WDFY1: variants seen among roughly 807,000 people sequenced by gnomAD.
The protein encoded by WDFY1 is WD repeat and FYVE domain containing 1.
In WDFY1, 32 loss-of-function variants were observed where a neutral mutation model predicts 56.4. The ratio of observed to expected loss-of-function variants is 0.57; its 90% CI spans 0.43 to 0.76. The LOEUF is 0.76. WDFY1 is among the 30% of genes least tolerant of loss of function. The pLI is 0.00. For missense variants in WDFY1, 480 were observed against 545.7 expected, an observed-to-expected ratio of 0.88 and a Z score of 1.20; for synonymous variants, 192 against 197.3, an observed-to-expected ratio of 0.97 and a Z score of 0.23.
intron 1 of WDFY1, among the ~76,000 whole-genome samples, chr2:223,936,288 C>T (rs764199266): frequency 1.3e-5 from 2 of 152,026 alleles, no homozygotes; most frequent in Non-Finnish European, 2.9e-5. Flanking sequence ...TCTCTAACTC[C>T]TGGCCTCAAG....
chr2:223,901,006 G>A, intron 5 of WDFY1, 177 bp downstream of exon 5: 1 of 732,672 alleles, frequency 1.4e-6, no homozygotes, highest in Non-Finnish European at 2.1e-6. Context: ...TGGTGCAAAA[G>A]TAATTGCAAT....
chr2:223,877,392 TTCTCC>T lies in WDFY1; in HGVS notation c.*1274_*1278del, dbSNP rs1450919555. On this transcript the variant is annotated 3_prime_UTR_variant, in exon 12 of 12. Transcript: ENST00000233055. The stretch of plus-strand genomic sequence containing the variant: ...ATTTGTCCTTTAAAAAGGTAGGCCC[TTCTCC>T]ACTTACTTCCATATCCCTAGAGAAA... The T allele has an allele frequency of 5.3e-5, 8 of 152,144 alleles. No homozygotes were observed. The highest frequency in any genetic ancestry group is 3.9e-4 in the Admixed American group (6 of 15,274). The allele number at this position is 152,144 out of a possible 1,614,324, so 9.4% of individuals were successfully genotyped here. A position where few individuals can be genotyped will look rare whatever the true frequency, so the allele number is the denominator to read the frequency against.
intron 1 of WDFY1, among the ~76,000 whole-genome samples, chr2:223,923,449 T>A (rs923350047): frequency 6.6e-6 from 1 of 152,226 alleles, no homozygotes; most frequent in Non-Finnish European, 1.5e-5. Context: ...AATAATAGTT[T>A]AGTAATATTT....
At chr2:223,894,108 C>T (rs1693321657) in intron 8 of WDFY1, 126 bp downstream of exon 8, 1 of 822,956 alleles carries the variant, frequency 1.2e-6, no homozygotes, top group African/African-American at 1.7e-5. Context: ...AACCCATTAG[C>T]AGAAGGGGAA....
Position 223,901,278 on chromosome 2 carries a change from G to C in WDFY1, c.390C>G (p.Ile130Met), listed in dbSNP as rs113048698. Residue 130 changes from isoleucine (I) to methionine (M), a missense_variant, in exon 5 of 12, where the codon ATC becomes ATG. Transcript: ENST00000233055. ...IIFSLATEWVISTGHDKCVSW... is the reference protein window; with the variant it reads ...IIFSLATEWVMSTGHDKCVSW... ...TCACACACTTGTCGTGGCCGGTACT[G>C]ATCACCCACTCTGTGGCCAAGCTGA... is the stretch of plus-strand genomic sequence containing the variant. 2 of 1,614,082 alleles carry C rather than the reference G, an allele frequency of 1.2e-6. No individual in the cohort carries two copies. The highest frequency in any genetic ancestry group is 2.2e-5 in the South Asian group (2 of 91,076).
At chr2:223,921,824 A>G (rs1054003225) in intron 1 of WDFY1, among the ~76,000 whole-genome samples, 2 of 152,170 alleles carry the variant, frequency 1.3e-5, no homozygotes, top group Non-Finnish European at 2.9e-5. Flanking sequence ...GATAATTCCC[A>G]TATATCACGT....
In WDFY1 at chr2:223,879,386, T is replaced by C. The variant is rs77820978; in HGVS notation, c.1174-656A>G. The stretch of plus-strand genomic sequence containing the variant: ...AGAGTGGTACTTAGGCCATGCATGG[T>C]GGATCATGCCTATAATCCCAGTACT... On this transcript the variant is annotated intron_variant, in intron 11 of 11. Transcript: ENST00000233055. Among the ~76,000 whole-genome samples the C allele has an allele frequency of 2.1e-3, 320 of 152,194 alleles. 1 individual carries two copies. The highest frequency in any genetic ancestry group is 4.1e-3 in the Admixed American group (63 of 15,278).
At chr2:223,944,555 G>A (rs1462846494) in intron 1 of WDFY1, among the ~76,000 whole-genome samples, 1 of 151,930 alleles carries the variant, frequency 6.6e-6, no homozygotes, top group Admixed American at 6.5e-5. Context: ...GGGCTGGAGA[G>A]GTGCGTTGGG....
rs1358020247 is a variant in WDFY1, at chr2:223,877,467, T to C, written c.*1204A>G. ...CAAAAAAAATCAAACACACAAATAC[T>C]GGAATATTAAAAGACAGGCTCCTCA... On this transcript the variant is annotated 3_prime_UTR_variant, in exon 12 of 12. Transcript: ENST00000233055. 1 of 152,160 alleles carries C rather than the reference T, an allele frequency of 6.6e-6. No individual in the cohort carries two copies. The highest frequency in any genetic ancestry group is 6.6e-5 in the Admixed American group (1 of 15,266). The allele number at this position is 152,160 out of a possible 1,614,324, so 9.4% of individuals were successfully genotyped here. A position where few individuals can be genotyped will look rare whatever the true frequency, so the allele number is the denominator to read the frequency against.
At chr2:223,937,431 T>A (rs545629171) in intron 1 of WDFY1, among the ~76,000 whole-genome samples, 1 of 152,298 alleles carries the variant, frequency 6.6e-6, no homozygotes, top group East Asian at 1.9e-4. Flanking sequence ...GGAAAATAAA[T>A]GGGAATGAAA....
chr2:223,903,534 C>A (rs145047523), intron 4 of WDFY1, among the ~76,000 whole-genome samples: 67,314 of 147,074 alleles, frequency 0.46, 16,038 homozygotes, highest in Non-Finnish European at 0.53. Flanking sequence ...AAAAACAAAA[C>A]AAAACAAAAA....
intron 8 of WDFY1, among the ~76,000 whole-genome samples, chr2:223,888,783 T>C (rs896277169): frequency 1.3e-5 from 2 of 151,540 alleles, no homozygotes; most frequent in African/African-American, 2.4e-5. Context: ...AGATGGGGTT[T>C]CACCATGTTG....
At position 223,918,154 on chromosome 2, in the gene WDFY1, T is replaced by C. The variant is rs1304126260; in HGVS notation, c.138-144A>G. On this transcript the variant is annotated intron_variant, in intron 1 of 11. Transcript: ENST00000233055. ...TAACTGGACAAACTGGACAAATATA[T>C]ACATACATGTACACATACATATATA... 10 of 665,646 alleles carry C rather than the reference T, an allele frequency of 1.5e-5. No homozygotes were observed. The Admixed American group carries it at 1.7e-4, about 11-fold the overall frequency. The allele number at this position is 665,646 out of a possible 1,614,324, so 41.2% of individuals were successfully genotyped here. A position where few individuals can be genotyped will look rare whatever the true frequency, so the allele number is the denominator to read the frequency against.
At position 223,880,135 on chromosome 2, in the gene WDFY1, G is replaced by C. The variant is rs147876037; in HGVS notation, c.1162C>G (p.Arg388Gly). 3.1e-6 allele frequency: 5 copies of C among 1,613,858 alleles called. No homozygotes were observed. The highest frequency in any genetic ancestry group is 2.2e-5 in the South Asian group (2 of 91,064). The change falls in exon 11 of 12, where the codon CGC (arginine) becomes GGC (glycine). Residue 388 changes from arginine (R) to glycine (G), a missense_variant. Physicochemically the swap from Arg to Gly is moderately radical, Grantham distance 125. Transcript: ENST00000233055. ...RGLMVTCGTD[R>G]IVKIWDMTPV... ...ATTAGCCAGCTTACCTTTACAATGC[G>C]GTCGGTCCCACAGGTCACCATCAGT... is the stretch of plus-strand genomic sequence containing the variant.
chr2:223,897,886 G>A (rs1025662101), intron 6 of WDFY1, among the ~76,000 whole-genome samples: 6 of 151,984 alleles, frequency 3.9e-5, no homozygotes, highest in African/African-American at 7.3e-5. Context: ...TGATGTGCCT[G>A]TTCACACCTC....
intron 5 of WDFY1, 56 bp downstream of exon 5, chr2:223,901,127 C>A (rs1693500496): frequency 4.5e-6 from 7 of 1,564,752 alleles, no homozygotes; most frequent in South Asian, 1.2e-5. Context: ...GATTCAGAAC[C>A]AAACACTGAG....
chr2:223,887,633 T>C (rs1016701118), intron 8 of WDFY1, among the ~76,000 whole-genome samples: 2 of 152,244 alleles, frequency 1.3e-5, no homozygotes, highest in African/African-American at 4.8e-5. Context: ...GATTTTCTAT[T>C]TTCCTTGAAC....
At chr2:223,896,493 C>T (rs1693381122) in intron 6 of WDFY1, among the ~76,000 whole-genome samples, 1 of 152,202 alleles carries the variant, frequency 6.6e-6, no homozygotes, top group African/African-American at 2.4e-5. Flanking sequence ...AAAATCTGAA[C>T]TTCACATTTC....
intron 1 of WDFY1, among the ~76,000 whole-genome samples, chr2:223,936,143 C>A (rs974271509): frequency 6.8e-5 from 10 of 147,660 alleles, no homozygotes; most frequent in Admixed American, 1.4e-4. Flanking sequence ...CTCACTGCAA[C>A]CTATGCCCCT....
Sources: gnomAD v4.1 joint callset for allele counts (sites outside exome capture counted in the v4.1 genomes callset) on GRCh38, gnomAD v4.1.1 for gene constraint, MANE v1.5 for transcripts, NCBI Gene and HGNC (gene_info 2026-07-23, HGNC 2026-07-21) for gene names.